The following TIAM2 variants were observed in gnomAD, a reference collection of about 807,000 sequenced individuals.
The protein encoded by TIAM2 is TIAM Rac1 associated GEF 2, also known as rho guanine nucleotide exchange factor TIAM2.
In TIAM2, 80 loss-of-function variants were observed where a neutral mutation model predicts 152.9. The ratio of observed to expected loss-of-function variants is 0.52; its 90% CI spans 0.44 to 0.63. The LOEUF is 0.63. Ranked by LOEUF, TIAM2 falls within the 30% of genes least tolerant of loss-of-function variation. The probability of loss-of-function intolerance (pLI) is 0.00; values close to 1 mark genes in which losing one functional copy is unlikely to be tolerated. For missense variants in TIAM2, 1,965 were observed against 2,120.1 expected, an observed-to-expected ratio of 0.93 and a Z score of 1.44; for synonymous variants, 804 against 838.0, an observed-to-expected ratio of 0.96 and a Z score of 0.70.
intron 5 of TIAM2, among the ~76,000 whole-genome samples, chr6:155,143,745 C>A (rs1426860368): frequency 6.6e-6 from 1 of 152,104 alleles, no homozygotes; most frequent in Non-Finnish European, 1.5e-5. Flanking sequence ...GGCCAGAGGG[C>A]CTGAGTTCAC....
At chr6:155,054,587 GTTTTTTTTT>G (rs1055685024) in intron 1 of TIAM2, among the ~76,000 whole-genome samples, 15 of 115,996 alleles carry the variant, frequency 1.3e-4, no homozygotes, top group South Asian at 2.6e-4. Context: ...GTTTTGTTTT[GTTTTTTTTT>G]TTTGAGACGG....
chr6:155,105,213 G>C (rs943067948), intron 2 of TIAM2, among the ~76,000 whole-genome samples: 2 of 152,158 alleles, frequency 1.3e-5, no homozygotes, highest in Non-Finnish European at 2.9e-5. Flanking sequence ...AGGCTGTAGT[G>C]CAGTGGCACA....
chr6:155,030,377 A>T (rs1562295726), intron 1 of TIAM2, among the ~76,000 whole-genome samples: 1 of 152,172 alleles, frequency 6.6e-6, no homozygotes, highest in East Asian at 1.9e-4. Context: ...TGAGAAGTTG[A>T]TTTTAACAGT....
chr6:155,147,432 G>T (rs1244699302), intron 6 of TIAM2, among the ~76,000 whole-genome samples: 1 of 151,692 alleles, frequency 6.6e-6, no homozygotes, highest in Non-Finnish European at 1.5e-5. Flanking sequence ...TCAGCTTCCC[G>T]AGTAGGTGGG....
At chr6:155,012,434 C>G (rs1778505161) in intron 1 of TIAM2, among the ~76,000 whole-genome samples, 1 of 152,270 alleles carries the variant, frequency 6.6e-6, no homozygotes, top group African/African-American at 2.4e-5. Flanking sequence ...GGTTTAAAAA[C>G]AAAAATCAAC....
At chr6:155,110,318 C>CTTTTCT (rs1254574468) in intron 2 of TIAM2, among the ~76,000 whole-genome samples, 25 of 133,810 alleles carry the variant, frequency 1.9e-4, no homozygotes, top group African/African-American at 5.3e-4. Flanking sequence ...TCTTTCTTTT[C>CTTTTCT]TTTTTTTTTT....
chr6:155,028,796 G>A (rs1331096857), intron 1 of TIAM2, among the ~76,000 whole-genome samples: 4 of 133,120 alleles, frequency 3.0e-5, no homozygotes, highest in African/African-American at 1.1e-4. Flanking sequence ...TATATATACT[G>A]TGTTATATAC....
intron 1 of TIAM2, among the ~76,000 whole-genome samples, chr6:155,077,393 ATC>A (rs747333879): frequency 2.6e-4 from 40 of 152,276 alleles, no homozygotes; most frequent in Non-Finnish European, 4.9e-4. Flanking sequence ...AAGCACAGCA[ATC>A]TCCAAGTCTC....
At chr6:155,135,657 C>CTTGATGTTCA (rs1289698849) in intron 4 of TIAM2, among the ~76,000 whole-genome samples, 1 of 152,180 alleles carries the variant, frequency 6.6e-6, no homozygotes, top group Non-Finnish European at 1.5e-5. Context: ...CAGCTCTGTG[C>CTTGATGTTCA]ATGGCCAGCT....
At chr6:155,006,837 C>T (rs2114842960) in intron 1 of TIAM2, among the ~76,000 whole-genome samples, 1 of 152,032 alleles carries the variant, frequency 6.6e-6, no homozygotes, top group Admixed American at 6.5e-5. Context: ...TACAAGTGCC[C>T]ACCACCACAC....
At chr6:155,083,168 C>A (rs750545845) in intron 1 of TIAM2, among the ~76,000 whole-genome samples, 23 of 151,648 alleles carry the variant, frequency 1.5e-4, no homozygotes, top group African/African-American at 4.8e-4. Context: ...GTGAACATGG[C>A]GAAACCCCTG....
At chr6:155,157,545 G>T (rs545327824) in intron 7 of TIAM2, among the ~76,000 whole-genome samples, 4 of 151,710 alleles carry the variant, frequency 2.6e-5, no homozygotes, top group Non-Finnish European at 4.4e-5. Flanking sequence ...GGGTGCAAGC[G>T]ATCCTCCTGT....
chr6:155,240,420 C>T (rs1562367501), intron 15 of TIAM2, 110 bp from the exon 16 acceptor site: 4 of 1,185,134 alleles, frequency 3.4e-6, no homozygotes, highest in East Asian at 4.8e-5. Context: ...CACAGAGGCC[C>T]CTCTGAGATC....
At chr6:155,173,592 T>G (rs60539482) in intron 9 of TIAM2, among the ~76,000 whole-genome samples, 15,235 of 152,286 alleles carry the variant, frequency 0.1, 857 homozygotes, top group Middle Eastern at 0.16. Flanking sequence ...CGTTTACCCT[T>G]CTGCCTGTAA....
chr6:155,028,343 TG>T (rs1776676844), intron 1 of TIAM2, among the ~76,000 whole-genome samples: 1 of 118,388 alleles, frequency 8.4e-6, no homozygotes, highest in African/African-American at 4.0e-5. Context: ...TAATATATAC[TG>T]TGTTACATAT....
chr6:155,120,376 T>C (rs1583200739), intron 2 of TIAM2, among the ~76,000 whole-genome samples: 1 of 152,352 alleles, frequency 6.6e-6, no homozygotes, highest in East Asian at 1.9e-4. Context: ...TAAGGATTAC[T>C]CTTCCTAAGC....
At chr6:155,175,168 G>C (rs1780730357) in intron 9 of TIAM2, among the ~76,000 whole-genome samples, 2 of 152,296 alleles carry the variant, frequency 1.3e-5, no homozygotes, top group South Asian at 4.1e-4. Flanking sequence ...TGTGCATTCT[G>C]GCTGTGATCA....
chr6:155,007,430 G>T (rs1032531225), intron 1 of TIAM2, among the ~76,000 whole-genome samples: 5 of 151,162 alleles, frequency 3.3e-5, no homozygotes, highest in African/African-American at 1.2e-4. Context: ...TGTCGCCCAG[G>T]CTGGAGTACA....
chr6:155,193,403 C>CA (rs35559546), intron 14 of TIAM2, among the ~76,000 whole-genome samples: 2 of 150,618 alleles, frequency 1.3e-5, no homozygotes, highest in East Asian at 2.0e-4. Flanking sequence ...GACCTTGTCT[C>CA]AAAAAAAAAT....
Sources: allele counts gnomAD v4.1 joint callset (sites outside exome capture counted in the v4.1 genomes callset), GRCh38; gene constraint gnomAD v4.1.1; transcripts MANE v1.5; gene names NCBI Gene and HGNC (gene_info 2026-07-23, HGNC 2026-07-21).